MYCT1: variants seen among roughly 807,000 people sequenced by gnomAD.
The protein encoded by MYCT1 is myc target protein 1.
Under a neutral mutation model 15.0 loss-of-function variants are expected in MYCT1, and 12 were observed. The observed-to-expected ratio is 0.80, with a 90% CI of 0.51 to 1.29. The LOEUF is 1.29. MYCT1 is among the 50% of genes most tolerant of loss of function. The probability of loss-of-function intolerance (pLI) is 0.00; values close to 1 mark genes in which losing one functional copy is unlikely to be tolerated. For missense variants in MYCT1, 287 were observed against 279.1 expected (o/e 1.03, Z -0.20); for synonymous variants, 104 against 102.7 (o/e 1.01, Z -0.07).
chr6:152,705,209 A>G (rs998397534), intron 1 of MYCT1, among the ~76,000 whole-genome samples: 1 of 152,348 alleles, frequency 6.6e-6, no homozygotes, highest in Middle Eastern at 3.4e-3. Context: ...ATAGCTTAGC[A>G]TAGCCTAACT....
chr6:152,717,754 T>C (rs1047512102), intron 1 of MYCT1, among the ~76,000 whole-genome samples: 1 of 152,144 alleles, frequency 6.6e-6, no homozygotes, highest in Non-Finnish European at 1.5e-5. Context: ...AACAGACTAA[T>C]GCAATTTCTA....
chr6:152,717,500 G>A (rs1204474306), intron 1 of MYCT1, among the ~76,000 whole-genome samples: 1 of 152,072 alleles, frequency 6.6e-6, no homozygotes, highest in Non-Finnish European at 1.5e-5. Context: ...ATGGGGGCAG[G>A]AATTTCCTGT....
At chr6:152,733,746 A>G in the MYCT1 span, among the ~76,000 whole-genome samples, 1 of 152,154 alleles carries the variant, frequency 6.6e-6, no homozygotes, top group African/African-American at 2.4e-5. Context: ...AGCTGGCAAG[A>G]AGGACTTGGG....
chr6:152,721,690 A>G, intron 1 of MYCT1, 52 bp from the exon 2 acceptor site: 1 of 1,525,890 alleles, frequency 6.6e-7, no homozygotes, highest in Non-Finnish European at 8.9e-7. Context: ...CCTTGTTTTT[A>G]GTTGAAAACC....
chr6:152,714,270 T>G (rs1462215784), intron 1 of MYCT1, among the ~76,000 whole-genome samples: 1 of 150,798 alleles, frequency 6.6e-6, no homozygotes, highest in Non-Finnish European at 1.5e-5. Flanking sequence ...TTTTTTCATA[T>G]CTGGCTTTGA....
At chr6:152,729,448 T>G (rs74450457), downstream of MYCT1, among the ~76,000 whole-genome samples, 6,596 of 152,264 alleles carry the variant, frequency 0.043, 186 homozygotes, top group Middle Eastern at 0.13. Flanking sequence ...TAAGTCTGTA[T>G]ACATAAGTAT....
chr6:152,704,480 C>G (rs2129068546), intron 1 of MYCT1, among the ~76,000 whole-genome samples: 1 of 152,234 alleles, frequency 6.6e-6, no homozygotes, highest in South Asian at 2.1e-4. Flanking sequence ...ATTTTTATCA[C>G]ATAATTGTAC....
intron 1 of MYCT1, among the ~76,000 whole-genome samples, chr6:152,721,209 G>T (rs909627085): frequency 6.6e-6 from 1 of 152,178 alleles, no homozygotes; most frequent in Non-Finnish European, 1.5e-5. Flanking sequence ...TGGCCAGATG[G>T]TTCTATCCCA....
intron 1 of MYCT1, among the ~76,000 whole-genome samples, chr6:152,700,367 C>T (rs1014881215): frequency 1.3e-5 from 2 of 152,044 alleles, no homozygotes; most frequent in African/African-American, 4.8e-5. Flanking sequence ...GTACATTGAA[C>T]CATATAAATT....
intron 1 of MYCT1, among the ~76,000 whole-genome samples, chr6:152,707,099 G>A (rs2099722416): frequency 6.6e-6 from 1 of 151,918 alleles, no homozygotes; most frequent in Admixed American, 6.6e-5. Flanking sequence ...TTCCACAATG[G>A]CTGCATCAAT....
downstream of MYCT1, among the ~76,000 whole-genome samples, chr6:152,726,226 G>A (rs2099725624): frequency 1.3e-5 from 2 of 152,010 alleles, no homozygotes; most frequent in Non-Finnish European, 2.9e-5. Context: ...GAGAAACCCT[G>A]TCTCTACTAA....
At chr6:152,705,976 T>C (rs1583966104) in intron 1 of MYCT1, 4 of 796,240 alleles carry the variant, frequency 5.0e-6, no homozygotes, top group East Asian at 2.4e-5. Context: ...CCAACAAAGA[T>C]TGTGAGAGCT....
intron 1 of MYCT1, among the ~76,000 whole-genome samples, chr6:152,699,975 G>T (rs1040128018): frequency 1.3e-5 from 2 of 151,762 alleles, no homozygotes; most frequent in African/African-American, 4.8e-5. Context: ...ATGAAAACCA[G>T]AAAGGGGAGT....
intron 1 of MYCT1, among the ~76,000 whole-genome samples, chr6:152,699,691 T>C (rs1001098792): frequency 3.3e-5 from 5 of 152,136 alleles, no homozygotes; most frequent in African/African-American, 1.2e-4. Flanking sequence ...AAAATTAATA[T>C]GTAGAAGTCA....
chr6:152,718,849 C>T (rs1205464839), intron 1 of MYCT1, among the ~76,000 whole-genome samples: 1 of 151,708 alleles, frequency 6.6e-6, no homozygotes, highest in East Asian at 1.9e-4. Context: ...TCTATTATGC[C>T]TGCTTATATA....
In MYCT1 at chr6:152,698,066, G is replaced by C. The variant is rs200696320; in HGVS notation, c.164G>C (p.Ser55Thr). The C allele has an allele frequency of 1.3e-6, 2 of 1,586,264 alleles. No individual in the cohort carries two copies. The highest frequency in any genetic ancestry group is 3.8e-5 in the Admixed American group (2 of 52,694). ...LVDIMANNTT[S>T]LGSPWPENFW... is the part of the protein sequence containing the mutation. ...GATATTATGGCTAATAACACAACAA[G>C]TTTAGGGAGTCCATGGCCAGAAAAC... Residue 55 changes from serine to threonine, a missense_variant, in exon 1 of 2, where the codon AGT (serine) becomes ACT (threonine). Ser to Thr is a moderately conservative substitution (Grantham distance 58). Transcript: ENST00000367245.
the MYCT1 span, among the ~76,000 whole-genome samples, chr6:152,746,338 CTAAG>C: frequency 6.6e-6 from 1 of 152,216 alleles, no homozygotes; most frequent in East Asian, 1.9e-4. Flanking sequence ...AACAAATTGG[CTAAG>C]TGACTACCTG....
downstream of MYCT1, among the ~76,000 whole-genome samples, chr6:152,726,901 G>T (rs1306678155): frequency 6.6e-6 from 1 of 151,982 alleles, no homozygotes; most frequent in Non-Finnish European, 1.5e-5. Flanking sequence ...AGAATCTCTG[G>T]GTAATAACTA....
the MYCT1 span, among the ~76,000 whole-genome samples, chr6:152,731,053 T>C: frequency 3.9e-5 from 6 of 152,146 alleles, no homozygotes; most frequent in Non-Finnish European, 7.4e-5. Flanking sequence ...AATAGATTAC[T>C]GTCTTTATAA....
Sources: gnomAD v4.1 joint callset for allele counts (sites outside exome capture counted in the v4.1 genomes callset) on GRCh38, gnomAD v4.1.1 for gene constraint, MANE v1.5 for transcripts, NCBI Gene and HGNC (gene_info 2026-07-23, HGNC 2026-07-21) for gene names.